Variants in ATRNL1 observed in about 807,000 individuals in gnomAD.
The protein encoded by ATRNL1 is attractin-like protein 1.
Under a neutral mutation model 182.7 loss-of-function variants are expected in ATRNL1, and 95 were observed. The ratio of observed to expected loss-of-function variants is 0.52; its 90% CI spans 0.44 to 0.62. ATRNL1 has a LOEUF of 0.62. Ranked by LOEUF, ATRNL1 falls within the 20% of genes least tolerant of loss-of-function variation. The probability of loss-of-function intolerance (pLI) is 0.00; values close to 1 mark genes in which losing one functional copy is unlikely to be tolerated. For missense variants in ATRNL1, 1,471 were observed against 1,679.5 expected (o/e 0.88, Z 2.17); for synonymous variants, 576 against 568.3 (o/e 1.01, Z -0.19).
At chr10:115,166,285 T>C (rs974137691) in intron 7 of ATRNL1, among the ~76,000 whole-genome samples, 1 of 152,056 alleles carries the variant, frequency 6.6e-6, no homozygotes, top group Non-Finnish European at 1.5e-5. Context: ...ATATACCACA[T>C]TTTGTTTATC....
At chr10:115,471,940 A>G (rs1484642498) in intron 24 of ATRNL1, among the ~76,000 whole-genome samples, 1 of 150,862 alleles carries the variant, frequency 6.6e-6, no homozygotes, top group Non-Finnish European at 1.5e-5. Context: ...AATGTCAAGG[A>G]GCTTAGTCCC....
chr10:115,655,398 A>T (rs1860267471), intron 26 of ATRNL1, among the ~76,000 whole-genome samples: 1 of 152,204 alleles, frequency 6.6e-6, no homozygotes, highest in South Asian at 2.1e-4. Context: ...TTTCTTTCAT[A>T]TTCCTTATTA....
chr10:115,136,523 A>G (rs1003991728), intron 5 of ATRNL1, among the ~76,000 whole-genome samples: 33 of 152,350 alleles, frequency 2.2e-4, no homozygotes, highest in African/African-American at 7.7e-4. Context: ...CAAATGTATC[A>G]TTACATGTAT....
intron 28 of ATRNL1, among the ~76,000 whole-genome samples, chr10:115,902,523 A>T (rs1397801766): frequency 6.6e-6 from 1 of 152,168 alleles, no homozygotes; most frequent in Non-Finnish European, 1.5e-5. Flanking sequence ...ACATTAATGG[A>T]AGGGAAATAC....
At chr10:115,292,349 T>G (rs978318431) in intron 15 of ATRNL1, among the ~76,000 whole-genome samples, 1 of 151,974 alleles carries the variant, frequency 6.6e-6, no homozygotes, top group South Asian at 2.1e-4. Flanking sequence ...CTGATTTCAT[T>G]TCAATAAAGA....
intron 8 of ATRNL1, among the ~76,000 whole-genome samples, chr10:115,215,344 GACTA>G (rs1456159711): frequency 3.3e-5 from 5 of 152,140 alleles, no homozygotes; most frequent in Non-Finnish European, 5.9e-5. Flanking sequence ...TAATGTCAGT[GACTA>G]ACTGTCACAT....
intron 28 of ATRNL1, among the ~76,000 whole-genome samples, chr10:115,903,431 T>G (rs1423821460): frequency 1.3e-5 from 2 of 152,194 alleles, no homozygotes; most frequent in Non-Finnish European, 2.9e-5. Flanking sequence ...TGGTTAGCAC[T>G]ATCTCTGGAA....
At chr10:115,767,730 C>G (rs61866691) in intron 27 of ATRNL1, among the ~76,000 whole-genome samples, 65 of 152,254 alleles carry the variant, frequency 4.3e-4, no homozygotes, top group Non-Finnish European at 7.5e-4. Flanking sequence ...TTCTCTTTTT[C>G]TTTATAGCTC....
rs190888416 is a variant in ATRNL1, at chr10:115,853,748, C to T, written c.4018+5757C>T. Among the ~76,000 whole-genome samples, 482 of 152,120 alleles carry T rather than the reference C, an allele frequency of 3.2e-3. 4 individuals are homozygous for T. The highest frequency in any genetic ancestry group is 0.011 in the African/African-American group (457 of 41,498). On this transcript the variant is annotated intron_variant, in intron 28 of 28. Coordinates refer to ENST00000355044, the MANE Select transcript of ATRNL1 (RefSeq NM_207303.4). ...AAATACAAATATTGTTTATAGGCAG[C>T]GTATGTGTCTTCACAAAGAAGAAAG...
chr10:115,654,124 G>A (rs1370659853), intron 26 of ATRNL1, among the ~76,000 whole-genome samples: 1 of 152,034 alleles, frequency 6.6e-6, no homozygotes, highest in Non-Finnish European at 1.5e-5. Context: ...ATTCATTATT[G>A]ACATTTCCTG....
At chr10:115,189,610 G>A in intron 8 of ATRNL1, among the ~76,000 whole-genome samples, 1 of 152,024 alleles carries the variant, frequency 6.6e-6, no homozygotes, top group East Asian at 1.9e-4. Flanking sequence ...AAGGATTTAA[G>A]GAAAAAATTT....
At chr10:115,315,434 G>A (rs1854249034) in intron 17 of ATRNL1, 84 bp from the exon 18 acceptor site, 5 of 1,001,134 alleles carry the variant, frequency 5.0e-6, no homozygotes, top group Non-Finnish European at 5.9e-6. Context: ...TTTTTATCAT[G>A]ATCATATTTA....
chr10:115,354,136 A>C (rs1246454088), intron 19 of ATRNL1, among the ~76,000 whole-genome samples: 1 of 151,268 alleles, frequency 6.6e-6, no homozygotes, highest in Non-Finnish European at 1.5e-5. Flanking sequence ...AAACATTATA[A>C]TTTTTTTTTA....
chr10:115,794,949 C>T (rs182319750), intron 27 of ATRNL1, among the ~76,000 whole-genome samples: 99 of 152,194 alleles, frequency 6.5e-4, no homozygotes, highest in African/African-American at 2.3e-3. Flanking sequence ...TATTTTGATG[C>T]TCAAATTGTC....
At chr10:115,896,427 T>C (rs1952210700) in intron 28 of ATRNL1, among the ~76,000 whole-genome samples, 1 of 152,192 alleles carries the variant, frequency 6.6e-6, no homozygotes, top group African/African-American at 2.4e-5. Flanking sequence ...CCTTTTATTA[T>C]AGAATGCAAA....
At chr10:115,142,174 G>T (rs191372100) in intron 5 of ATRNL1, among the ~76,000 whole-genome samples, 1 of 152,082 alleles carries the variant, frequency 6.6e-6, no homozygotes, top group Non-Finnish European at 1.5e-5. Flanking sequence ...CAGAGAAAGA[G>T]GAATAGAAAG....
chr10:115,269,133 T>C (rs1851731397), intron 13 of ATRNL1, among the ~76,000 whole-genome samples: 1 of 152,186 alleles, frequency 6.6e-6, no homozygotes, highest in Non-Finnish European at 1.5e-5. Context: ...GTTTATTTGT[T>C]TATTTGTTGT....
intron 26 of ATRNL1, among the ~76,000 whole-genome samples, chr10:115,615,304 A>G (rs1470329121): frequency 6.6e-6 from 1 of 152,104 alleles, no homozygotes; most frequent in Non-Finnish European, 1.5e-5. Flanking sequence ...GTAGTGATGA[A>G]TTCCCTCAGT....
At chr10:115,439,479 AAAAATT>A (rs1228481906) in intron 21 of ATRNL1, among the ~76,000 whole-genome samples, 2 of 151,958 alleles carry the variant, frequency 1.3e-5, no homozygotes, top group African/African-American at 4.8e-5. Context: ...AAATAAAAAT[AAAAATT>A]ACTAATTTTT....
Sources: allele counts gnomAD v4.1 joint callset (sites outside exome capture counted in the v4.1 genomes callset), GRCh38; gene constraint gnomAD v4.1.1; transcripts MANE v1.5; gene names NCBI Gene and HGNC (gene_info 2026-07-23, HGNC 2026-07-21).